TSGA10: variants seen among roughly 807,000 people sequenced by gnomAD.
TSGA10 encodes testis specific 10.
In TSGA10, 43 loss-of-function variants were observed where a neutral mutation model predicts 96.6. The ratio of observed to expected loss-of-function variants is 0.44; its 90% CI spans 0.35 to 0.57. The LOEUF is 0.57. Among genes scored for constraint, TSGA10 ranks in the 20% least tolerant of loss-of-function variants. The pLI is 0.01. For synonymous variants in TSGA10, 229 were observed against 269.9 expected (o/e 0.85, Z 1.48); for missense variants, 703 against 834.4 (o/e 0.84, Z 1.94).
chr2:99,058,154 T>G (rs1184950787), intron 16 of TSGA10, among the ~76,000 whole-genome samples: 1 of 152,138 alleles, frequency 6.6e-6, no homozygotes, highest in East Asian at 1.9e-4. Flanking sequence ...TGATAAAGGG[T>G]ACAGTGATTC....
intron 16 of TSGA10, among the ~76,000 whole-genome samples, chr2:99,060,270 G>A (rs2084535840): frequency 6.6e-6 from 1 of 151,852 alleles, no homozygotes; most frequent in South Asian, 2.1e-4. Flanking sequence ...TCAAAACCTG[G>A]AACATAAAAT....
intron 15 of TSGA10, 45 bp downstream of exon 15, chr2:99,068,843 G>T: frequency 1.0e-6 from 1 of 964,842 alleles, no homozygotes; most frequent in Non-Finnish European, 1.5e-6. Context: ...ATTAACTCTA[G>T]TGAAAACTAA....
At chr2:99,075,681 T>C (rs754875391) in intron 12 of TSGA10, among the ~76,000 whole-genome samples, 1 of 152,190 alleles carries the variant, frequency 6.6e-6, no homozygotes, top group Non-Finnish European at 1.5e-5. Context: ...AGAGGATGGA[T>C]GTGTTTACTT....
intron 1 of TSGA10, among the ~76,000 whole-genome samples, chr2:99,138,686 G>A (rs2093417032): frequency 6.6e-6 from 1 of 152,210 alleles, no homozygotes; most frequent in African/African-American, 2.4e-5. Flanking sequence ...TATGGGAAGA[G>A]AAAAACTTGT....
chr2:99,064,877 C>T, intron 16 of TSGA10, 62 bp downstream of exon 16: 1 of 1,380,460 alleles, frequency 7.2e-7, no homozygotes, highest in South Asian at 1.7e-5. Context: ...TTATGGAAGG[C>T]CAAACAAAAC....
intron 16 of TSGA10, among the ~76,000 whole-genome samples, chr2:99,064,196 T>G (rs548077746): frequency 9.5e-4 from 144 of 152,260 alleles, no homozygotes; most frequent in African/African-American, 3.3e-3. Context: ...AGGAGAAATG[T>G]AAAAGGTTTG....
At chr2:99,050,633 T>C (rs1318003280) in intron 16 of TSGA10, among the ~76,000 whole-genome samples, 2 of 152,104 alleles carry the variant, frequency 1.3e-5, no homozygotes, top group African/African-American at 2.4e-5. Context: ...GTTAGATGCA[T>C]GTAGCAAACA....
At chr2:99,059,520 T>C (rs914083880) in intron 16 of TSGA10, among the ~76,000 whole-genome samples, 1 of 151,706 alleles carries the variant, frequency 6.6e-6, no homozygotes, top group Non-Finnish European at 1.5e-5. Context: ...GCACCTGTAA[T>C]CCCAGCTACT....
chr2:99,081,061 T>C (rs966356075), intron 11 of TSGA10, among the ~76,000 whole-genome samples: 13 of 152,184 alleles, frequency 8.5e-5, no homozygotes, highest in African/African-American at 2.9e-4. Context: ...GTTTAGCTAT[T>C]ACTTCATTGA....
chr2:99,058,318 C>T (rs115142645), intron 16 of TSGA10, among the ~76,000 whole-genome samples: 1 of 152,078 alleles, frequency 6.6e-6, no homozygotes, highest in Non-Finnish European at 1.5e-5. Flanking sequence ...AATAGCAACA[C>T]AAAAATATGT....
chr2:99,122,852 T>C (rs972872040), intron 2 of TSGA10, among the ~76,000 whole-genome samples: 2 of 152,054 alleles, frequency 1.3e-5, no homozygotes, highest in African/African-American at 4.8e-5. Flanking sequence ...GCTCTATATA[T>C]TGTTCTTCCT....
chr2:99,099,750 A>G (rs1277169388), intron 10 of TSGA10, among the ~76,000 whole-genome samples: 4 of 152,198 alleles, frequency 2.6e-5, no homozygotes, highest in Non-Finnish European at 5.9e-5. Context: ...AATAAAATGT[A>G]TAAGAATTAG....
At chr2:99,059,049 A>AT (rs1491519017) in intron 16 of TSGA10, among the ~76,000 whole-genome samples, 7 of 136,392 alleles carry the variant, frequency 5.1e-5, no homozygotes, top group African/African-American at 1.4e-4. Flanking sequence ...AAAAAAAAAT[A>AT]ATATATATAT....
intron 4 of TSGA10, among the ~76,000 whole-genome samples, chr2:99,115,746 C>T (rs1574487121): frequency 6.6e-6 from 1 of 151,798 alleles, no homozygotes; most frequent in African/African-American, 2.4e-5. Flanking sequence ...TGGGTGTGGT[C>T]GTGGGTGCCT....
At chr2:99,132,541 A>C (rs2093141326) in intron 1 of TSGA10, among the ~76,000 whole-genome samples, 1 of 151,896 alleles carries the variant, frequency 6.6e-6, no homozygotes, top group South Asian at 2.1e-4. Context: ...TATTTTGTTT[A>C]TCTATTCAAA....
intron 16 of TSGA10, among the ~76,000 whole-genome samples, chr2:99,047,563 T>C (rs1406562186): frequency 1.3e-5 from 2 of 152,192 alleles, no homozygotes; most frequent in African/African-American, 4.8e-5. Context: ...TAGGTATTGA[T>C]GGGATGTATC....
chr2:99,038,300 C>A (rs115846744), intron 16 of TSGA10, among the ~76,000 whole-genome samples: 2,351 of 152,182 alleles, frequency 0.015, 51 homozygotes, highest in African/African-American at 0.053. Context: ...TAGTACCTCA[C>A]ATCTCAATAC....
At chr2:99,119,073 T>C (rs1250519146) in intron 2 of TSGA10, among the ~76,000 whole-genome samples, 3 of 152,158 alleles carry the variant, frequency 2.0e-5, no homozygotes, top group Non-Finnish European at 4.4e-5. Flanking sequence ...AGTTCTAGCA[T>C]TATTCTTGCC....
chr2:99,009,170 G>C (rs2078775434), intron 20 of TSGA10, among the ~76,000 whole-genome samples: 1 of 151,910 alleles, frequency 6.6e-6, no homozygotes, highest in Non-Finnish European at 1.5e-5. Flanking sequence ...AAAGCAAATT[G>C]AAACAAATGA....
Sources: allele counts gnomAD v4.1 joint callset (sites outside exome capture counted in the v4.1 genomes callset), GRCh38; gene constraint gnomAD v4.1.1; transcripts MANE v1.5; gene names NCBI Gene and HGNC (gene_info 2026-07-23, HGNC 2026-07-21).